The following FANCL variants were observed in gnomAD, a reference collection of about 807,000 sequenced individuals.
The protein encoded by FANCL is FA complementation group L.
In FANCL, 69 loss-of-function variants were observed where a neutral mutation model predicts 59.4. The observed-to-expected ratio is 1.16, with a 90% CI of 0.96 to 1.42. FANCL has a LOEUF of 1.42. Among genes scored for constraint, FANCL ranks in the 40% most tolerant of loss-of-function variants. FANCL has a pLI of 0.00. For missense variants in FANCL, 519 were observed against 447.2 expected, an observed-to-expected ratio of 1.16 and a Z score of -1.45; for synonymous variants, 180 against 147.1, an observed-to-expected ratio of 1.22 and a Z score of -1.62.
chr2:58,171,646 C>A (rs1416432083), intron 7 of FANCL, among the ~76,000 whole-genome samples: 1 of 152,172 alleles, frequency 6.6e-6, no homozygotes, highest in Admixed American at 6.5e-5. Context: ...CGAATAGGAA[C>A]AGCTCCGGTC....
chr2:58,173,552 G>A (rs1284338100), intron 7 of FANCL, among the ~76,000 whole-genome samples: 2 of 152,012 alleles, frequency 1.3e-5, no homozygotes, highest in African/African-American at 2.4e-5. Context: ...CATAAGTGAA[G>A]GAGAAATAAA....
chr2:58,235,848 T>G (rs1483666721), intron 1 of FANCL, among the ~76,000 whole-genome samples: 2 of 151,994 alleles, frequency 1.3e-5, no homozygotes, highest in Non-Finnish European at 2.9e-5. Flanking sequence ...GTTTGAGATT[T>G]TTAAAAAATA....
rs532128253 is a variant in FANCL at position 58,161,980 on chromosome 2, T to A, written c.904-342A>T. ...AACACCTAGCAAAGCTATTGTAGGG[T>A]GTTTCCTTTTCCACTCAAATATACA... On this transcript the variant is annotated intron_variant, in intron 11 of 13. Coordinates refer to ENST00000233741, the MANE Select transcript of FANCL (RefSeq NM_018062.4). 6.6e-5 allele frequency among the ~76,000 whole-genome samples: 10 copies of A among 152,050 alleles called. 1 individual carries two copies. The East Asian group carries it at 1.3e-3, about 21-fold the overall frequency.
At chr2:58,217,149 A>ATATATATT (rs1691821251) in intron 5 of FANCL, among the ~76,000 whole-genome samples, 1 of 89,218 alleles carries the variant, frequency 1.1e-5, no homozygotes, top group Non-Finnish European at 2.5e-5. Flanking sequence ...ATAGATTTAT[A>ATATATATT]TATATATTTA....
intron 5 of FANCL, among the ~76,000 whole-genome samples, chr2:58,211,907 C>A (rs1573730323): frequency 6.6e-6 from 1 of 152,316 alleles, no homozygotes; most frequent in East Asian, 1.9e-4. Flanking sequence ...CAAAGCCAAG[C>A]AACTAGTCTC....
intron 5 of FANCL, among the ~76,000 whole-genome samples, chr2:58,213,187 A>G (rs181365306): frequency 6.6e-6 from 1 of 151,790 alleles, no homozygotes; most frequent in African/African-American, 2.4e-5. Context: ...CTGTAAATAC[A>G]TTTAAATCAA....
In FANCL at chr2:58,221,962, T is replaced by C. The variant is rs1371125510; in HGVS notation, c.354A>G (p.Ile118Met). 3 of 1,611,316 alleles carry C rather than the reference T, an allele frequency of 1.9e-6. No homozygotes were observed. The highest frequency in any genetic ancestry group is 1.7e-5 in the Admixed American group (1 of 60,000). The change falls in exon 5 of 14, where the codon ATA becomes ATG. Residue 118 changes from isoleucine (I) to methionine (M), a missense_variant. Coordinates refer to ENST00000233741, the MANE Select transcript of FANCL (RefSeq NM_018062.4). Reference protein sequence around the residue: ...PQFYSSLIEEIGTLGWDKLVY... With the variant: ...PQFYSSLIEEMGTLGWDKLVY... ...CATACTTATCCCAACCAAGAGTTCC[T>C]ATCTCTTCAATAAGGCTTGAGTAGA...
At chr2:58,160,379 A>G (rs1012344180) in intron 12 of FANCL, among the ~76,000 whole-genome samples, 200 bp from the exon 13 acceptor site, 3 of 152,066 alleles carry the variant, frequency 2.0e-5, no homozygotes, top group Non-Finnish European at 4.4e-5. Flanking sequence ...GGAAATCAAC[A>G]TGGAATTGAA....
chr2:58,207,655 T>A (rs1397242982), intron 5 of FANCL, among the ~76,000 whole-genome samples: 1 of 152,178 alleles, frequency 6.6e-6, no homozygotes, highest in African/African-American at 2.4e-5. Context: ...ACTATTTGTA[T>A]CAATTTATGA....
At chr2:58,172,866 G>C (rs1017585673) in intron 7 of FANCL, among the ~76,000 whole-genome samples, 1 of 152,114 alleles carries the variant, frequency 6.6e-6, no homozygotes, top group Admixed American at 6.5e-5. Context: ...TCAAACCAAA[G>C]GCGAAGAAGC....
At chr2:58,179,398 T>C (rs1220448831) in intron 7 of FANCL, among the ~76,000 whole-genome samples, 5 of 151,902 alleles carry the variant, frequency 3.3e-5, no homozygotes, top group Non-Finnish European at 5.9e-5. Context: ...TATAGACCAA[T>C]GGAACAAAAC....
At chr2:58,209,512 T>A (rs1451927904) in intron 5 of FANCL, among the ~76,000 whole-genome samples, 1 of 152,104 alleles carries the variant, frequency 6.6e-6, no homozygotes, top group Non-Finnish European at 1.5e-5. Flanking sequence ...GCTATTATGT[T>A]TTACAAAAAA....
chr2:58,170,660 G>A (rs903550754), intron 7 of FANCL, among the ~76,000 whole-genome samples: 3 of 151,140 alleles, frequency 2.0e-5, no homozygotes, highest in Non-Finnish European at 2.9e-5. Flanking sequence ...TCGAAATAAA[G>A]GGATGGAGGA....
intron 7 of FANCL, among the ~76,000 whole-genome samples, chr2:58,187,117 T>C (rs1343321635): frequency 1.3e-5 from 2 of 152,118 alleles, no homozygotes; most frequent in African/African-American, 4.8e-5. Context: ...CATGCACACA[T>C]ATGTTTATTG....
intron 7 of FANCL, among the ~76,000 whole-genome samples, chr2:58,197,331 A>G (rs1426134913): frequency 1.3e-5 from 2 of 152,098 alleles, no homozygotes; most frequent in African/African-American, 4.8e-5. Flanking sequence ...AAATACAAGC[A>G]TAATTTTTTA....
intron 9 of FANCL, 113 bp from the exon 10 acceptor site, chr2:58,163,187 G>A (rs1265888978): frequency 4.3e-5 from 42 of 986,806 alleles, no homozygotes. Context: ...AAAATTATAT[G>A]TATTATGTTA....
chr2:58,195,483 A>G (rs1689338210), intron 7 of FANCL, among the ~76,000 whole-genome samples: 1 of 152,146 alleles, frequency 6.6e-6, no homozygotes, highest in South Asian at 2.1e-4. Context: ...TAGCAAAAAT[A>G]CCTTTCTGAA....
At chr2:58,173,202 G>A (rs1399356539) in intron 7 of FANCL, among the ~76,000 whole-genome samples, 1 of 152,192 alleles carries the variant, frequency 6.6e-6, no homozygotes, top group Non-Finnish European at 1.5e-5. Flanking sequence ...AACCAAGTTG[G>A]AAAACACTCT....
intron 6 of FANCL, among the ~76,000 whole-genome samples, chr2:58,199,256 T>C (rs1469132215): frequency 3.3e-5 from 5 of 152,144 alleles, no homozygotes; most frequent in Admixed American, 2.6e-4. Flanking sequence ...GCTGAAGTTA[T>C]GATTTGAGGA....
Sources: gnomAD v4.1 joint callset for allele counts (sites outside exome capture counted in the v4.1 genomes callset) on GRCh38, gnomAD v4.1.1 for gene constraint, MANE v1.5 for transcripts, NCBI Gene and HGNC (gene_info 2026-07-23, HGNC 2026-07-21) for gene names.